Variants in EIF2AK4 observed in about 807,000 individuals in gnomAD.
The protein encoded by EIF2AK4 is eIF-2-alpha kinase GCN2.
Under a neutral mutation model 211.1 loss-of-function variants are expected in EIF2AK4, and 139 were observed. The observed-to-expected ratio is 0.66, with a 90% CI of 0.57 to 0.76. EIF2AK4 has a LOEUF of 0.76. Ranked by LOEUF, EIF2AK4 falls within the 30% of genes least tolerant of loss-of-function variation. The probability of loss-of-function intolerance (pLI) is 0.00; values close to 1 mark genes in which losing one functional copy is unlikely to be tolerated. For synonymous variants in EIF2AK4, 710 were observed against 751.3 expected, an observed-to-expected ratio of 0.94 and a Z score of 0.90; for missense variants, 1,664 against 2,043.8, an observed-to-expected ratio of 0.81 and a Z score of 3.58.
rs2035171802 is a variant in EIF2AK4 at position 40,007,063 on chromosome 15, A to T, written c.3405A>T (p.Lys1135Asn). 1.3e-6 allele frequency: 2 copies of T among 1,591,106 alleles called. No homozygotes were observed. Among genetic ancestry groups the T allele is most frequent in the Non-Finnish European group, 8.6e-7 (1 of 1,161,212 alleles). Residue 1135 changes from lysine (K) to asparagine (N), a missense_variant and splice_region_variant, in exon 24 of 39, where the codon AAA becomes AAT. Physicochemically the swap from Lys to Asn is moderately conservative, Grantham distance 94. This residue lies in a region of EIF2AK4 where 622 missense variants were observed against 796.8 expected (regional missense o/e 0.78). Transcript: ENST00000263791. ...CAAGAAATAATATATTGAATTTAAA[A>T]CGGTAAGAAACAATAGGAGATTCCA... is the stretch of plus-strand genomic sequence containing the variant. ...YVARNNILNL[K>N]RYCIERVFRP...
At chr15:40,022,172 C>G (rs2035396870) in intron 31 of EIF2AK4, 2 of 102,112 alleles carry the variant, frequency 2.0e-5, no homozygotes, top group Non-Finnish European at 4.1e-5. Context: ...TCCTCAGAGG[C>G]TTTTTCAGCG....
At chr15:39,939,448 C>A in intron 1 of EIF2AK4, 57 bp from the exon 2 acceptor site, 2 of 1,020,970 alleles carry the variant, frequency 2.0e-6, no homozygotes, top group Non-Finnish European at 2.8e-6. Flanking sequence ...TTATCTTAAT[C>A]ATTAATGATT....
intron 6 of EIF2AK4, among the ~76,000 whole-genome samples, chr15:39,959,850 C>G (rs8042413): frequency 6.6e-6 from 1 of 152,254 alleles, no homozygotes; most frequent in Non-Finnish European, 1.5e-5. Context: ...AATGTATTTG[C>G]TGTTTTCTGA....
chr15:40,004,128 G>A (rs4924405), intron 23 of EIF2AK4, among the ~76,000 whole-genome samples: 140,365 of 152,258 alleles, frequency 0.92, 64,884 homozygotes, highest in Non-Finnish European at 0.95. Context: ...GTGTAGGAAA[G>A]TAGGTATTTT....
chr15:39,965,857 G>C lies in EIF2AK4; in HGVS notation c.1017+14G>C, dbSNP rs778468470. The C allele has an allele frequency of 6.2e-7, 1 of 1,613,028 alleles. No homozygotes were observed. The highest frequency in any genetic ancestry group is 1.3e-5 in the African/African-American group (1 of 74,992). On this transcript the variant is annotated intron_variant, in intron 8 of 38. Transcript: ENST00000263791. The stretch of plus-strand genomic sequence containing the variant: ...TGCAAAAAGCAGGTAAGCATCCAAG[G>C]TGGCTGACTGAGCAAAAGGCCTAAT...
chr15:39,947,398 T>G (rs2034243857), intron 3 of EIF2AK4, among the ~76,000 whole-genome samples: 1 of 152,222 alleles, frequency 6.6e-6, no homozygotes, highest in East Asian at 1.9e-4. Context: ...CACTTCCAAT[T>G]GCTTATGAAT....
chr15:40,021,143 T>C, intron 31 of EIF2AK4, 116 bp downstream of exon 31: 1 of 1,231,354 alleles, frequency 8.1e-7, no homozygotes, highest in Non-Finnish European at 1.1e-6. Context: ...TCGAGTTGCC[T>C]CCTGTGTTAG....
At chr15:39,960,151 G>C (rs1161934281) in intron 6 of EIF2AK4, among the ~76,000 whole-genome samples, 1 of 140,298 alleles carries the variant, frequency 7.1e-6, no homozygotes, top group Non-Finnish European at 1.5e-5. Flanking sequence ...GCGACAGAGC[G>C]AGACTCCATC....
intron 5 of EIF2AK4, among the ~76,000 whole-genome samples, chr15:39,954,889 A>G (rs1236897274): frequency 1.3e-5 from 2 of 152,248 alleles, no homozygotes; most frequent in Non-Finnish European, 2.9e-5. Flanking sequence ...TTAAAGCTTC[A>G]GCTTTCCTGC....
chr15:39,988,522 G>A (rs1400528895), intron 15 of EIF2AK4, among the ~76,000 whole-genome samples: 1 of 152,180 alleles, frequency 6.6e-6, no homozygotes, highest in Non-Finnish European at 1.5e-5. Context: ...ACATAGCTAT[G>A]CTCATTGGTT....
intron 27 of EIF2AK4, among the ~76,000 whole-genome samples, chr15:40,014,822 G>GT (rs2035283852): frequency 6.6e-6 from 1 of 152,112 alleles, no homozygotes; most frequent in Admixed American, 6.5e-5. Context: ...TTTATGCTCT[G>GT]TTTTCCTTTT....
At chr15:39,981,655 C>T (rs2034789519) in intron 13 of EIF2AK4, among the ~76,000 whole-genome samples, 1 of 151,748 alleles carries the variant, frequency 6.6e-6, no homozygotes, top group Non-Finnish European at 1.5e-5. Context: ...AAAATTCTTC[C>T]TCAGAAAAAA....
chr15:40,025,957 TC>T lies in EIF2AK4; in HGVS notation c.4390-18del, dbSNP rs1050561753. ...GGTTCAGAAACCTCCAAATGATAGA[TC>T]CGTTTCATTCTTTTTAAGGTTAAGT... On this transcript the variant is annotated intron_variant, in intron 32 of 38. Transcript: ENST00000263791. 9.9e-6 allele frequency: 16 copies of T among 1,608,472 alleles called. No individual in the cohort carries two copies.
At position 39,976,660 on chromosome 15, in the gene EIF2AK4, G is replaced by A. The variant is rs894449451; in HGVS notation, c.2065G>A (p.Asp689Asn). The change falls in exon 12 of 39, where the codon GAC (aspartate) becomes AAC (asparagine). Residue 689 changes from aspartate (D) to asparagine (N), a missense_variant. Transcript: ENST00000263791. ...AGCTGCACGCGGGCAGCCGGCGAGC[G>A]ACACAGACGGCCTGGACAGCGTAGA... ...DRAARGQPAS[D>N]TDGLDSVEAA... 1.9e-6 allele frequency: 3 copies of A among 1,603,894 alleles called. No homozygotes were observed. The highest frequency in any genetic ancestry group is 1.7e-5 in the Admixed American group (1 of 59,600).
At chr15:39,943,895 C>T (rs1168479202) in intron 3 of EIF2AK4, among the ~76,000 whole-genome samples, 1 of 151,954 alleles carries the variant, frequency 6.6e-6, no homozygotes, top group Non-Finnish European at 1.5e-5. Context: ...TTTGAGGTTA[C>T]AGTGAGCTAT....
rs74920518 is a variant in EIF2AK4, at chr15:39,951,014, A to G, written c.513+1746A>G. ...AATTCACACATGAATGAAAATAGAA[A>G]AACGGCCAATACGTGATTTCTGTCC... is the stretch of plus-strand genomic sequence containing the variant. On this transcript the variant is annotated intron_variant, in intron 4 of 38. Coordinates refer to ENST00000263791, the MANE Select transcript of EIF2AK4 (RefSeq NM_001013703.4). Among the ~76,000 whole-genome samples, 12 of 152,364 alleles carry G rather than the reference A, an allele frequency of 7.9e-5. No homozygotes were observed. In the East Asian group the frequency reaches 2.3e-3, roughly 29 times the overall value.
intron 35 of EIF2AK4, among the ~76,000 whole-genome samples, chr15:40,031,265 C>T (rs1485056410): frequency 2.0e-5 from 3 of 152,046 alleles, no homozygotes; most frequent in Non-Finnish European, 4.4e-5. Context: ...CAGTAGAACA[C>T]TGAGTTAAAT....
At chr15:40,023,880 CA>C (rs1408170706) in intron 32 of EIF2AK4, among the ~76,000 whole-genome samples, 1 of 152,098 alleles carries the variant, frequency 6.6e-6, no homozygotes, top group East Asian at 1.9e-4. Context: ...GAGGTATTGA[CA>C]AACTACACCT....
At position 39,934,486 on chromosome 15, in the gene EIF2AK4, C is replaced by G. The variant is rs1043431820; in HGVS notation, c.144+147C>G. On this transcript the variant is annotated intron_variant, in intron 1 of 38. Coordinates refer to ENST00000263791, the MANE Select transcript of EIF2AK4 (RefSeq NM_001013703.4). Reference sequence around the variant, plus strand: ...AGGTTCCACCCATGCTCACTTTAGTCCTTGCACCTGCAGCTGGTCTGCAGA... The same window carrying G: ...AGGTTCCACCCATGCTCACTTTAGTGCTTGCACCTGCAGCTGGTCTGCAGA... 3.5e-6 allele frequency: 4 copies of G among 1,128,164 alleles called. No individual in the cohort carries two copies. The Admixed American group carries it at 1.2e-4, about 35-fold the overall frequency. 69.9% of individuals were successfully genotyped at this position (1,128,164 alleles called of 1,614,324 possible). A position where few individuals can be genotyped will look rare whatever the true frequency, so the allele number is the denominator to read the frequency against.
Sources: allele counts gnomAD v4.1 joint callset (sites outside exome capture counted in the v4.1 genomes callset), GRCh38; gene constraint gnomAD v4.1.1; regional missense constraint gnomAD v4.1.1; transcripts MANE v1.5; gene names NCBI Gene and HGNC (gene_info 2026-07-23, HGNC 2026-07-21).